Variants in THSD7B observed in about 807,000 individuals in gnomAD.
THSD7B encodes thrombospondin type-1 domain-containing protein 7B.
A neutral mutation model predicts 213.6 loss-of-function variants in THSD7B; 138 were observed. The ratio of observed to expected loss-of-function variants is 0.65; its 90% confidence interval spans 0.56 to 0.74. The LOEUF (loss-of-function observed/expected upper bound fraction) is 0.74, where lower values mean the gene tolerates loss of function less well. THSD7B is among the 30% of genes least tolerant of loss of function. The probability of loss-of-function intolerance (pLI) is 0.00; values close to 1 mark genes in which losing one functional copy is unlikely to be tolerated. For missense variants in THSD7B, 1,931 were observed against 1,991.5 expected, an observed-to-expected ratio of 0.97 and a Z score of 0.58; for synonymous variants, 742 against 687.0, an observed-to-expected ratio of 1.08 and a Z score of -1.25.
At chr2:136,950,705 G>T (rs1443920762) in intron 2 of THSD7B, among the ~76,000 whole-genome samples, 1 of 152,174 alleles carries the variant, frequency 6.6e-6, no homozygotes, top group Non-Finnish European at 1.5e-5. Context: ...AGATTATTGA[G>T]TTGCTAGGAT....
chr2:137,398,931 G>T (rs1451787305), intron 12 of THSD7B, among the ~76,000 whole-genome samples: 1 of 152,154 alleles, frequency 6.6e-6, no homozygotes, highest in Non-Finnish European at 1.5e-5. Flanking sequence ...GATTTTCCAG[G>T]TGCTGTCCGT....
At chr2:137,056,168 C>A (rs145251710) in intron 2 of THSD7B, among the ~76,000 whole-genome samples, 38 of 152,240 alleles carry the variant, frequency 2.5e-4, no homozygotes, top group African/African-American at 8.9e-4. Context: ...TTATCTTCTA[C>A]CTTATATAGG....
intron 14 of THSD7B, among the ~76,000 whole-genome samples, chr2:137,438,443 A>G (rs1392643713): frequency 1.3e-5 from 2 of 152,138 alleles, no homozygotes; most frequent in South Asian, 2.1e-4. Context: ...TCTAGATAGT[A>G]TATATATTCA....
chr2:136,922,890 T>C (rs13430912), intron 2 of THSD7B, among the ~76,000 whole-genome samples: 4,236 of 152,308 alleles, frequency 0.028, 200 homozygotes, highest in African/African-American at 0.096. Context: ...CCTCTATTTG[T>C]TCATGGAGTT....
At chr2:136,967,485 A>G (rs1383355146) in intron 2 of THSD7B, among the ~76,000 whole-genome samples, 5 of 152,112 alleles carry the variant, frequency 3.3e-5, no homozygotes, top group Admixed American at 2.0e-4. Flanking sequence ...TCCAGACTTC[A>G]TGTCCTTTCC....
chr2:137,546,484 T>TA (rs1218402697), intron 15 of THSD7B, among the ~76,000 whole-genome samples: 1 of 77,452 alleles, frequency 1.3e-5, no homozygotes, highest in Admixed American at 2.2e-4. Context: ...ATATAATATA[T>TA]ATATATATAT....
chr2:136,994,544 G>A (rs746823347), intron 2 of THSD7B, among the ~76,000 whole-genome samples: 1 of 152,186 alleles, frequency 6.6e-6, no homozygotes, highest in African/African-American at 2.4e-5. Flanking sequence ...TCCAGCCTGG[G>A]ACTGAGGGAA....
intron 17 of THSD7B, among the ~76,000 whole-genome samples, chr2:137,579,541 C>CAT (rs199967464): frequency 0.053 from 8,111 of 152,076 alleles, 281 homozygotes; most frequent in Middle Eastern, 0.082. Context: ...CGCGTGCGCA[C>CAT]ACACACACAC....
chr2:137,119,650 G>A (rs1334365438), intron 5 of THSD7B, among the ~76,000 whole-genome samples: 1 of 152,100 alleles, frequency 6.6e-6, no homozygotes, highest in East Asian at 1.9e-4. Context: ...GGCCTTCTAT[G>A]CTATTCTGGA....
chr2:137,581,414 C>T (rs540653748), intron 17 of THSD7B, among the ~76,000 whole-genome samples: 2 of 152,108 alleles, frequency 1.3e-5, no homozygotes, highest in South Asian at 4.2e-4. Context: ...ATGGCAAAAC[C>T]CCATCTCTAC....
chr2:136,885,358 T>A lies in THSD7B; in HGVS notation c.139+3041T>A, dbSNP rs1683700149. 2.0e-5 allele frequency among the ~76,000 whole-genome samples: 3 copies of A among 151,118 alleles called. No homozygotes were observed. The South Asian group carries it at 6.3e-4, about 31-fold the overall frequency. ...AAACAATGGATTGATGAATAATAAG[T>A]GAGTGTATTATGTTTTTTAGGATTT... On this transcript the variant is annotated intron_variant, in intron 2 of 27. Coordinates refer to ENST00000409968, the MANE Select transcript of THSD7B (RefSeq NM_001316349.2).
In THSD7B at chr2:136,873,021, T is replaced by TAAAAA. The variant is rs1553454610; in HGVS notation, c.-35-9103_-35-9099dup. On this transcript the variant is annotated intron_variant, in intron 1 of 27. Coordinates refer to ENST00000409968, the MANE Select transcript of THSD7B (RefSeq NM_001316349.2). ...CTGGGTGACAGAGCAAGACTCCATC[T>TAAAAA]AAAAAAAAAAAAAAAAAAAAAAAAG... Among the ~76,000 whole-genome samples, 92 of 43,390 alleles carry TAAAAA rather than the reference T, an allele frequency of 2.1e-3. 3 individuals are homozygous for TAAAAA. The highest frequency in any genetic ancestry group is 5.6e-3 in the African/African-American group (60 of 10,742). 28.5% of individuals were successfully genotyped at this position (43,390 alleles called of 152,430 possible). A position where few individuals can be genotyped will look rare whatever the true frequency, so the allele number is the denominator to read the frequency against.
intron 2 of THSD7B, among the ~76,000 whole-genome samples, chr2:136,976,766 C>T (rs537164856): frequency 2.0e-5 from 3 of 152,020 alleles, no homozygotes; most frequent in South Asian, 2.1e-4. Flanking sequence ...GGACTACAGG[C>T]GCCTGCCACC....
chr2:136,909,260 T>G (rs1480825937), intron 2 of THSD7B, among the ~76,000 whole-genome samples: 1 of 151,902 alleles, frequency 6.6e-6, no homozygotes, highest in African/African-American at 2.4e-5. Flanking sequence ...AGGACTGAAA[T>G]GAGGTGTACA....
At chr2:137,087,103 A>G (rs923464462) in intron 3 of THSD7B, among the ~76,000 whole-genome samples, 1 of 152,246 alleles carries the variant, frequency 6.6e-6, no homozygotes, top group African/African-American at 2.4e-5. Flanking sequence ...CAACATGGGT[A>G]GATCTAGAAA....
At chr2:136,993,544 G>T (rs955972188) in intron 2 of THSD7B, among the ~76,000 whole-genome samples, 1 of 152,186 alleles carries the variant, frequency 6.6e-6, no homozygotes, top group Middle Eastern at 3.2e-3. Context: ...AAGTGAAAAT[G>T]TAACCATATA....
intron 12 of THSD7B, among the ~76,000 whole-genome samples, chr2:137,363,572 C>A (rs2104939063): frequency 6.6e-6 from 1 of 152,282 alleles, no homozygotes; most frequent in African/African-American, 2.4e-5. Context: ...ACCGATCCCA[C>A]AGAAATACAA....
chr2:136,991,894 G>T (rs1339953807), intron 2 of THSD7B, among the ~76,000 whole-genome samples: 1 of 152,074 alleles, frequency 6.6e-6, no homozygotes, highest in Non-Finnish European at 1.5e-5. Flanking sequence ...GCAACTATTT[G>T]GTTTTCACAA....
chr2:137,055,932 C>A (rs1315314822), intron 2 of THSD7B, among the ~76,000 whole-genome samples: 1 of 152,164 alleles, frequency 6.6e-6, no homozygotes, highest in Non-Finnish European at 1.5e-5. Context: ...AGAGTTTGAG[C>A]TGAAAGACTG....
Sources: allele counts gnomAD v4.1 joint callset (sites outside exome capture counted in the v4.1 genomes callset), GRCh38; gene constraint gnomAD v4.1.1; transcripts MANE v1.5; gene names NCBI Gene and HGNC (gene_info 2026-07-23, HGNC 2026-07-21).